GALNT13: variants seen among roughly 807,000 people sequenced by gnomAD.
GALNT13 encodes the protein polypeptide N-acetylgalactosaminyltransferase 13.
In GALNT13, 28 loss-of-function variants were observed where a neutral mutation model predicts 64.2. The observed-to-expected ratio is 0.44, with a 90% CI of 0.32 to 0.60. The LOEUF (loss-of-function observed/expected upper bound fraction) is 0.60, where lower values mean the gene tolerates loss of function less well. Ranked by LOEUF, GALNT13 falls within the 20% of genes least tolerant of loss-of-function variation. The probability of loss-of-function intolerance (pLI) is 0.05; values close to 1 mark genes in which losing one functional copy is unlikely to be tolerated. For missense variants in GALNT13, 577 were observed against 669.8 expected (o/e 0.86, Z 1.53); for synonymous variants, 214 against 224.6 (o/e 0.95, Z 0.42).
At chr2:153,243,577 T>G in the GALNT13 span, among the ~76,000 whole-genome samples, 2 of 143,710 alleles carry the variant, frequency 1.4e-5, no homozygotes, top group East Asian at 2.1e-4. Flanking sequence ...ACAACGTGTG[T>G]AAAGGAAGCA....
chr2:153,435,290 A>C, the GALNT13 span, among the ~76,000 whole-genome samples: 4 of 152,094 alleles, frequency 2.6e-5, no homozygotes, highest in Non-Finnish European at 5.9e-5. Flanking sequence ...CTTTTGGCTT[A>C]GGATTGACTT....
At chr2:154,295,352 A>AT (rs900810081) in intron 8 of GALNT13, among the ~76,000 whole-genome samples, 4 of 147,078 alleles carry the variant, frequency 2.7e-5, no homozygotes, top group African/African-American at 9.9e-5. Flanking sequence ...TTTTTATTTT[A>AT]TTTATTTATT....
At chr2:154,169,796 A>G (rs1217573094) in intron 4 of GALNT13, among the ~76,000 whole-genome samples, 5 of 152,052 alleles carry the variant, frequency 3.3e-5, no homozygotes, top group Non-Finnish European at 7.4e-5. Flanking sequence ...GCTTCATAGC[A>G]CCCACCGTAT....
At chr2:153,633,855 A>AT in the GALNT13 span, among the ~76,000 whole-genome samples, 1 of 152,342 alleles carries the variant, frequency 6.6e-6, no homozygotes, top group East Asian at 1.9e-4. Flanking sequence ...TTTCTCTAGC[A>AT]TTATGGTTTT....
rs555090945 is a variant in GALNT13 at position 153,943,517 on chromosome 2, A to G, written c.-104-877A>G. The stretch of plus-strand genomic sequence containing the variant: ...TGTATGTATTTTTTTTTTTTGAGAC[A>G]GAGTTTTGCTCTTGTCACCCAGACT... On this transcript the variant is annotated intron_variant, in intron 2 of 12. Coordinates refer to ENST00000392825, the MANE Select transcript of GALNT13 (RefSeq NM_052917.4). Among the ~76,000 whole-genome samples, 5 of 150,402 alleles carry G rather than the reference A, an allele frequency of 3.3e-5. No individual in the cohort carries two copies. In the South Asian group the frequency reaches 6.3e-4, roughly 19 times the overall value.
chr2:153,435,402 C>A, the GALNT13 span, among the ~76,000 whole-genome samples: 10 of 152,072 alleles, frequency 6.6e-5, no homozygotes, highest in African/African-American at 2.4e-5. Context: ...GGCATTGAAT[C>A]TATAAATTAC....
chr2:154,005,882 T>C (rs548628468), intron 3 of GALNT13, among the ~76,000 whole-genome samples: 1 of 152,292 alleles, frequency 6.6e-6, no homozygotes, highest in African/African-American at 2.4e-5. Context: ...AGTTGGGTGC[T>C]TTAGAATTTT....
chr2:153,483,262 G>A, the GALNT13 span, among the ~76,000 whole-genome samples: 4 of 151,938 alleles, frequency 2.6e-5, no homozygotes, highest in Non-Finnish European at 5.9e-5. Context: ...ACTTAAACAG[G>A]GATATGTATA....
intron 3 of GALNT13, among the ~76,000 whole-genome samples, chr2:154,110,312 TATATATATATATATATATATATATAGAG>T (rs1558962979): frequency 2.3e-4 from 11 of 48,860 alleles, no homozygotes; most frequent in South Asian, 8.7e-4. Flanking sequence ...TATATATATA[TATATATATATATATATATATATATAGAG>T]AGAGAGAGAG....
chr2:154,450,230 A>G (rs1476782759), intron 12 of GALNT13, among the ~76,000 whole-genome samples, 181 bp from the exon 13 acceptor site: 1 of 152,080 alleles, frequency 6.6e-6, no homozygotes, highest in African/African-American at 2.4e-5. Flanking sequence ...TGACTTCATA[A>G]CAGTCAAAGA....
chr2:153,910,040 C>T (rs558233243), intron 2 of GALNT13, among the ~76,000 whole-genome samples: 195 of 148,760 alleles, frequency 1.3e-3, no homozygotes, highest in Non-Finnish European at 1.7e-3. Flanking sequence ...TAGACTTTGT[C>T]GGTGAATCCT....
chr2:153,784,380 A>G, the GALNT13 span, among the ~76,000 whole-genome samples: 4 of 152,240 alleles, frequency 2.6e-5, no homozygotes, highest in African/African-American at 4.8e-5. Flanking sequence ...GAGATGATTT[A>G]TGGTATCTGG....
chr2:153,856,374 G>A, the GALNT13 span, among the ~76,000 whole-genome samples: 1 of 152,072 alleles, frequency 6.6e-6, no homozygotes, highest in Non-Finnish European at 1.5e-5. Flanking sequence ...AAGACCCAGA[G>A]TGGAAGATAT....
chr2:153,291,744 G>GAAA, the GALNT13 span, among the ~76,000 whole-genome samples: 26 of 134,828 alleles, frequency 1.9e-4, no homozygotes, highest in East Asian at 1.3e-3. Flanking sequence ...TGTTCAAAAG[G>GAAA]AAAAAAAAAA....
At chr2:153,091,229 G>C in the GALNT13 span, among the ~76,000 whole-genome samples, 1 of 152,018 alleles carries the variant, frequency 6.6e-6, no homozygotes, top group Non-Finnish European at 1.5e-5. Context: ...CCTTCCCCAA[G>C]AACCCCTGTG....
At chr2:154,208,945 T>A (rs538942077) in intron 4 of GALNT13, among the ~76,000 whole-genome samples, 29 of 152,220 alleles carry the variant, frequency 1.9e-4, no homozygotes, top group African/African-American at 6.3e-4. Context: ...ATACCTACAA[T>A]AATGGTATTT....
At chr2:153,795,850 A>G in the GALNT13 span, among the ~76,000 whole-genome samples, 13 of 152,332 alleles carry the variant, frequency 8.5e-5, no homozygotes, top group Non-Finnish European at 1.6e-4. Context: ...GAACACACGC[A>G]GTCAATTCAC....
At chr2:153,679,062 T>C in the GALNT13 span, among the ~76,000 whole-genome samples, 1 of 151,918 alleles carries the variant, frequency 6.6e-6, no homozygotes, top group African/African-American at 2.4e-5. Flanking sequence ...ATGATTGAGG[T>C]TGTGAGAGAC....
At chr2:154,362,345 A>G (rs1372428283) in intron 9 of GALNT13, among the ~76,000 whole-genome samples, 1 of 151,574 alleles carries the variant, frequency 6.6e-6, no homozygotes, top group East Asian at 1.9e-4. Context: ...ATGACATAGA[A>G]TAAAATAGAG....
Sources: allele counts gnomAD v4.1 joint callset (sites outside exome capture counted in the v4.1 genomes callset), GRCh38; gene constraint gnomAD v4.1.1; transcripts MANE v1.5; gene names NCBI Gene and HGNC (gene_info 2026-07-23, HGNC 2026-07-21).